Variants in HORMAD2 observed in about 807,000 individuals in gnomAD.
HORMAD2 encodes HORMA domain containing 2.
HORMAD2 carries 45 observed loss-of-function variants against 38.8 expected under a neutral mutation model. That is an observed-to-expected ratio of 1.16 (90% CI 0.91 to 1.49). HORMAD2 has a LOEUF of 1.49. HORMAD2 is among the 40% of genes most tolerant of loss of function. HORMAD2 has a pLI of 0.00. For missense variants in HORMAD2, 338 were observed against 367.0 expected (o/e 0.92, Z 0.65); for synonymous variants, 126 against 122.8 (o/e 1.03, Z -0.17).
the HORMAD2 span, among the ~76,000 whole-genome samples, chr22:30,199,457 T>C: frequency 6.6e-6 from 1 of 152,230 alleles, no homozygotes; most frequent in Non-Finnish European, 1.5e-5. Flanking sequence ...TTTAGTTTTT[T>C]AGTCTGTGTA....
intron 10 of HORMAD2, among the ~76,000 whole-genome samples, chr22:30,155,904 C>A (rs1290851182): frequency 6.6e-6 from 1 of 152,180 alleles, no homozygotes; most frequent in Admixed American, 6.5e-5. Flanking sequence ...CATATAGACA[C>A]CCATATCACA....
intron 10 of HORMAD2, among the ~76,000 whole-genome samples, chr22:30,171,965 C>T (rs1926138888): frequency 2.0e-5 from 3 of 152,092 alleles, no homozygotes; most frequent in Admixed American, 2.0e-4. Flanking sequence ...TAGGCACAGC[C>T]AGGGCCTGAG....
intron 10 of HORMAD2, among the ~76,000 whole-genome samples, chr22:30,138,588 A>T (rs1318770647): frequency 1.3e-5 from 2 of 150,938 alleles, no homozygotes; most frequent in African/African-American, 4.9e-5. Context: ...CTTCCATTCC[A>T]TTTTCATTTA....
the HORMAD2 span, among the ~76,000 whole-genome samples, chr22:30,201,412 CTTTTTTTTT>C: frequency 8.3e-6 from 1 of 121,086 alleles, no homozygotes; most frequent in Non-Finnish European, 1.7e-5. Context: ...AGAGTTAAGA[CTTTTTTTTT>C]TTTTTTTTTT....
At chr22:30,115,455 G>A (rs749936780) in intron 7 of HORMAD2, among the ~76,000 whole-genome samples, 4 of 152,036 alleles carry the variant, frequency 2.6e-5, no homozygotes, top group Non-Finnish European at 5.9e-5. Flanking sequence ...TATAAGTAGT[G>A]TCCATTTCTA....
intron 1 of HORMAD2, among the ~76,000 whole-genome samples, chr22:30,082,940 G>C (rs1425284488): frequency 6.6e-6 from 1 of 152,108 alleles, no homozygotes; most frequent in African/African-American, 2.4e-5. Flanking sequence ...TTCTCAAGAA[G>C]ATCATAATCC....
intron 9 of HORMAD2, 47 bp downstream of exon 9, chr22:30,121,836 T>C (rs1027013432): frequency 1.3e-6 from 2 of 1,566,474 alleles, no homozygotes; most frequent in African/African-American, 2.7e-5. Context: ...GCTGAGCTAA[T>C]ATTTTCTATA....
chr22:30,185,303 G>C, the HORMAD2 span, among the ~76,000 whole-genome samples: 1 of 152,198 alleles, frequency 6.6e-6, no homozygotes, highest in Non-Finnish European at 1.5e-5. Flanking sequence ...GAGCAAAAGC[G>C]AGCTTCGTCG....
chr22:30,092,408 C>A (rs1442352336), intron 1 of HORMAD2, among the ~76,000 whole-genome samples: 1 of 84,980 alleles, frequency 1.2e-5, no homozygotes, highest in East Asian at 3.3e-4. Flanking sequence ...GATATTAATT[C>A]TTTCTTGGAT....
intron 2 of HORMAD2, 61 bp from the exon 3 acceptor site, chr22:30,098,791 A>G (rs1490226226): frequency 2.3e-5 from 32 of 1,392,108 alleles, no homozygotes; most frequent in Non-Finnish European, 3.1e-5. Context: ...TGTGGTAATG[A>G]TGTGCTAAAC....
chr22:30,124,855 C>T (rs1007202696), intron 10 of HORMAD2, among the ~76,000 whole-genome samples: 2 of 152,110 alleles, frequency 1.3e-5, no homozygotes, highest in African/African-American at 4.8e-5. Context: ...AACTGTTTTC[C>T]AAAGTGGTCG....
At chr22:30,187,501 TTGTGTGTGTG>T in the HORMAD2 span, among the ~76,000 whole-genome samples, 15 of 147,652 alleles carry the variant, frequency 1.0e-4, no homozygotes, top group African/African-American at 1.5e-4. Flanking sequence ...TATATTTCCT[TTGTGTGTGTG>T]TGTGTGTGTG....
chr22:30,109,266 C>T (rs1601526332), intron 5 of HORMAD2, among the ~76,000 whole-genome samples: 1 of 152,030 alleles, frequency 6.6e-6, no homozygotes, highest in South Asian at 2.1e-4. Context: ...CCTTGTGATC[C>T]TCCGGCCTCA....
the HORMAD2 span, among the ~76,000 whole-genome samples, chr22:30,185,584 A>G: frequency 6.6e-6 from 1 of 152,244 alleles, no homozygotes; most frequent in Non-Finnish European, 1.5e-5. Flanking sequence ...TAAAATGGAT[A>G]AGCTAAATAA....
intron 10 of HORMAD2, among the ~76,000 whole-genome samples, chr22:30,125,409 G>T (rs1476405920): frequency 6.6e-6 from 1 of 150,668 alleles, no homozygotes; most frequent in Non-Finnish European, 1.5e-5. Context: ...TGTATTTTTA[G>T]TAGAGACAGG....
At position 30,122,020 on chromosome 22, in the gene HORMAD2, C is replaced by G. The variant is rs748056519; in HGVS notation, c.625C>G (p.Leu209Val). The change falls in exon 10 of 11, where the codon CTG becomes GTG. Residue 209 changes from leucine (L) to valine (V), a missense_variant. Transcript: ENST00000336726. ...GFKEGVNSHF[L>V]LFDKEPINVQ... ...TAAAGAAGGGGTAAATTCACACTTCCTGCTGTTTGACAAGGAGCCTATCAA... is the reference window on the plus strand; with the variant it reads ...TAAAGAAGGGGTAAATTCACACTTCGTGCTGTTTGACAAGGAGCCTATCAA... 1.9e-6 allele frequency: 3 copies of G among 1,613,088 alleles called. No homozygotes were observed. Among genetic ancestry groups the G allele is most frequent in the East Asian group, 4.5e-5 (2 of 44,876 alleles).
intron 10 of HORMAD2, among the ~76,000 whole-genome samples, chr22:30,129,844 A>T (rs965539305): frequency 2.0e-4 from 30 of 152,014 alleles, no homozygotes; most frequent in African/African-American, 7.0e-4. Context: ...TCATATTTTG[A>T]TTGGCAGTGA....
chr22:30,126,974 A>T (rs2146141939), intron 10 of HORMAD2, among the ~76,000 whole-genome samples: 1 of 152,098 alleles, frequency 6.6e-6, no homozygotes, highest in East Asian at 1.9e-4. Context: ...ACCTTTTTAT[A>T]TGTTTATTGG....
chr22:30,145,615 A>T (rs1392283619), intron 10 of HORMAD2, among the ~76,000 whole-genome samples: 1 of 152,312 alleles, frequency 6.6e-6, no homozygotes, highest in African/African-American at 2.4e-5. Context: ...AGGTCAGTGA[A>T]CTTGAAGTAG....
Sources: gnomAD v4.1 joint callset for allele counts (sites outside exome capture counted in the v4.1 genomes callset) on GRCh38, gnomAD v4.1.1 for gene constraint, MANE v1.5 for transcripts, NCBI Gene and HGNC (gene_info 2026-07-23, HGNC 2026-07-21) for gene names.